CYS1: variants seen among roughly 807,000 people sequenced by gnomAD.
The protein encoded by CYS1 is cystin 1.
CYS1 carries 5 observed loss-of-function variants against 9.6 expected under a neutral mutation model. The observed-to-expected ratio is 0.52, with a 90% CI of 0.27 to 1.10. The LOEUF (loss-of-function observed/expected upper bound fraction) is 1.10, where lower values mean the gene tolerates loss of function less well. CYS1 is among the 50% of genes least tolerant of loss of function. The pLI, the probability that CYS1 is intolerant of heterozygous loss-of-function variation, is 0.11. For missense variants in CYS1, 221 were observed against 207.9 expected, an observed-to-expected ratio of 1.06 and a Z score of -0.39; for synonymous variants, 88 against 95.7, an observed-to-expected ratio of 0.92 and a Z score of 0.47.
intron 1 of CYS1, among the ~76,000 whole-genome samples, chr2:10,067,768 A>G (rs1428748146): frequency 6.6e-6 from 1 of 152,186 alleles, no homozygotes; most frequent in Non-Finnish European, 1.5e-5. Flanking sequence ...TAATTCCAGT[A>G]ATTTATGGCT....
intron 2 of CYS1, among the ~76,000 whole-genome samples, chr2:10,064,842 G>A (rs572546463): frequency 3.2e-4 from 49 of 151,538 alleles, no homozygotes; most frequent in Admixed American, 1.2e-3. Context: ...CTTAGCCCCC[G>A]GAGTAGCTGG....
chr2:10,065,198 TGTTAAATAAGCGA>T (rs1448066229), intron 2 of CYS1, among the ~76,000 whole-genome samples: 1 of 152,234 alleles, frequency 6.6e-6, no homozygotes, highest in Non-Finnish European at 1.5e-5. Flanking sequence ...TCCCAGTGTC[TGTTAAATAAGCGA>T]GTTCAGCAGG....
intron 2 of CYS1, among the ~76,000 whole-genome samples, chr2:10,061,396 C>A (rs547125851): frequency 6.6e-6 from 1 of 152,182 alleles, no homozygotes; most frequent in Non-Finnish European, 1.5e-5. Context: ...GAAATGGGCA[C>A]GGGACGCCCA....
chr2:10,058,473 G>A lies in CYS1; in HGVS notation c.*380C>T, dbSNP rs1236685305. ...CAGAACCTTCCGGAAGTGTTGTGGC[G>A]CGGATGCCAGGAGGGGCTCGCTTGT... On this transcript the variant is annotated 3_prime_UTR_variant, in exon 3 of 3. Transcript: ENST00000381813. 5.4e-6 allele frequency: 1 copy of A among 186,368 alleles called. No homozygotes were observed. Among genetic ancestry groups the A allele is most frequent in the Middle Eastern group, 2.1e-3 (1 of 486 alleles). The allele number at this position is 186,368 out of a possible 1,614,324, so 11.5% of individuals were successfully genotyped here.
In CYS1 at chr2:10,063,162, A is replaced by G. The variant is rs924343007; in HGVS notation, c.371+2742T>C. ...TAAACAATCCTGTCAATAAGCGTCT[A>G]TGAAATGCTACCATGTGCCTGGAGC... On this transcript the variant is annotated intron_variant, in intron 2 of 2. Coordinates refer to ENST00000381813, the MANE Select transcript of CYS1 (RefSeq NM_001037160.3). The surrounding 1 kb of genome is among the most constrained non-coding windows in gnomAD (Gnocchi z 4.2). Among the ~76,000 whole-genome samples, 2 of 152,352 alleles carry G rather than the reference A, an allele frequency of 1.3e-5. No homozygotes were observed. The highest frequency in any genetic ancestry group is 3.4e-3 in the Middle Eastern group (1 of 294).
intron 1 of CYS1, among the ~76,000 whole-genome samples, chr2:10,072,840 T>C (rs1661788824): frequency 6.6e-6 from 1 of 151,828 alleles, no homozygotes; most frequent in Non-Finnish European, 1.5e-5. Context: ...CAGCAGAAGC[T>C]GAGCAGTGCA....
chr2:10,063,779 C>T lies in CYS1; in HGVS notation c.371+2125G>A, dbSNP rs1369254327. On this transcript the variant is annotated intron_variant, in intron 2 of 2. Transcript: ENST00000381813. The surrounding 1 kb of genome is among the most constrained non-coding windows in gnomAD (Gnocchi z 4.2). ...TGGGCAGCGAGAAGCACAGTGGGTA[C>T]AGGGCAGATGCTGCCAGCCCTGACC... 6.6e-6 allele frequency among the ~76,000 whole-genome samples: 1 copy of T among 152,190 alleles called. No homozygotes were observed. Among genetic ancestry groups the T allele is most frequent in the African/African-American group, 2.4e-5 (1 of 41,432 alleles).
intron 2 of CYS1, among the ~76,000 whole-genome samples, chr2:10,062,100 C>G (rs1661636298): frequency 6.6e-6 from 1 of 151,698 alleles, no homozygotes. Flanking sequence ...CTCCACTTCT[C>G]AGGCTCAAGC....
At chr2:10,074,375 G>A (rs1186779929) in intron 1 of CYS1, among the ~76,000 whole-genome samples, 6 of 152,268 alleles carry the variant, frequency 3.9e-5, no homozygotes, top group African/African-American at 1.4e-4. Context: ...GTCAAACTCA[G>A]TGGCTCACCT....
At chr2:10,079,430 A>G (rs951022308) in intron 1 of CYS1, among the ~76,000 whole-genome samples, 26 of 152,348 alleles carry the variant, frequency 1.7e-4, no homozygotes, top group Non-Finnish European at 3.5e-4. Context: ...GTATTCAGGG[A>G]GAGAGAATAG....
At position 10,056,506 on chromosome 2, in the gene CYS1, C is replaced by T. The variant is rs1661549928; in HGVS notation, c.*2347G>A. Among the ~76,000 whole-genome samples, 1 of 152,362 alleles carries T rather than the reference C, an allele frequency of 6.6e-6. No individual in the cohort carries two copies. Among genetic ancestry groups the T allele is most frequent in the South Asian group, 2.1e-4 (1 of 4,826 alleles). The stretch of plus-strand genomic sequence containing the variant: ...CACTTAAGATTTTTCCAGACAACAA[C>T]GTGCGTCATTTTTGCCTTTGAGATG... On this transcript the variant is annotated 3_prime_UTR_variant, in exon 3 of 3. Transcript: ENST00000381813.
chr2:10,072,961 T>TGCAGATGTGTGGGAGCAGA (rs1394999457), intron 1 of CYS1, among the ~76,000 whole-genome samples: 3 of 143,048 alleles, frequency 2.1e-5, no homozygotes, highest in Admixed American at 7.0e-5. Context: ...GGGGGAGCAG[T>TGCAGATGTGTGGGAGCAGA]GCAGATGTGT....
intron 2 of CYS1, among the ~76,000 whole-genome samples, chr2:10,061,030 G>C (rs749603185): frequency 6.6e-6 from 1 of 152,088 alleles, no homozygotes; most frequent in Non-Finnish European, 1.5e-5. Flanking sequence ...TCAGGAGTTC[G>C]AGACCAGCCT....
At position 10,063,725 on chromosome 2, in the gene CYS1, C is replaced by T. The variant is rs1315987288; in HGVS notation, c.371+2179G>A. ...GGCTGAGACTGGCCTGCAGGGTCCA[C>T]GGCTGCCACGGGAGTCAGGTGTGTG... On this transcript the variant is annotated intron_variant, in intron 2 of 2. Transcript: ENST00000381813. The surrounding 1 kb of genome is among the most constrained non-coding windows in gnomAD (Gnocchi z 4.2). 2.0e-5 allele frequency among the ~76,000 whole-genome samples: 3 copies of T among 152,300 alleles called. No homozygotes were observed. The highest frequency in any genetic ancestry group is 2.1e-4 in the South Asian group (1 of 4,826).
At chr2:10,072,668 T>G (rs982574563) in intron 1 of CYS1, among the ~76,000 whole-genome samples, 1 of 152,244 alleles carries the variant, frequency 6.6e-6, no homozygotes, top group Admixed American at 6.5e-5. Flanking sequence ...AACTTGAACA[T>G]GTACAGTAGA....
At chr2:10,073,099 T>G (rs1453868142) in intron 1 of CYS1, among the ~76,000 whole-genome samples, 2 of 142,370 alleles carry the variant, frequency 1.4e-5, no homozygotes, top group African/African-American at 2.6e-5. Context: ...GCTGGCTGTG[T>G]GGGAGTGGTG....
chr2:10,067,406 C>CTTT (rs34525296), intron 1 of CYS1, among the ~76,000 whole-genome samples: 24 of 118,116 alleles, frequency 2.0e-4, no homozygotes, highest in African/African-American at 4.1e-4. Flanking sequence ...AAATTCTTTT[C>CTTT]TTTTTTTTTT....
At position 10,060,016 on chromosome 2, in the gene CYS1, C is replaced by T. The variant is rs188311681; in HGVS notation, c.372-1058G>A. On this transcript the variant is annotated intron_variant, in intron 2 of 2. Coordinates refer to ENST00000381813, the MANE Select transcript of CYS1 (RefSeq NM_001037160.3). The stretch of plus-strand genomic sequence containing the variant: ...GCCCCCGGACCTGCCACGGTTGTGT[C>T]GAAATGTGCAGACCTTTGCAGGAGG... Among the ~76,000 whole-genome samples, 14 of 152,376 alleles carry T rather than the reference C, an allele frequency of 9.2e-5. No homozygotes were observed. In the East Asian group the frequency reaches 2.3e-3, roughly 25 times the overall value.
chr2:10,072,591 C>T (rs1661783017), intron 1 of CYS1, among the ~76,000 whole-genome samples: 1 of 152,212 alleles, frequency 6.6e-6, no homozygotes, highest in African/African-American at 2.4e-5. Context: ...TTCCCCCTTC[C>T]TCTTTCAGAA....
Sources: allele counts gnomAD v4.1 joint callset (sites outside exome capture counted in the v4.1 genomes callset), GRCh38; gene constraint gnomAD v4.1.1; non-coding constraint Gnocchi (gnomAD v3.1); transcripts MANE v1.5; gene names NCBI Gene and HGNC (gene_info 2026-07-23, HGNC 2026-07-21).